The following ATP6V1E2 variants were observed in gnomAD, a reference collection of about 807,000 sequenced individuals.
ATP6V1E2 encodes the protein ATPase H+ transporting V1 subunit E2, also known as V-type proton ATPase subunit E 2.
For synonymous variants in ATP6V1E2, 121 were observed against 104.2 expected (o/e 1.16, Z -0.98); for missense variants, 308 against 273.3 (o/e 1.13, Z -0.90).
rs1178108326 is a variant in ATP6V1E2, at chr2:46,525,146, C to A, written c.-102+10667G>T. Among the ~76,000 whole-genome samples, 3 of 152,176 alleles carry A rather than the reference C, an allele frequency of 2.0e-5. No homozygotes were observed. In the East Asian group the frequency reaches 5.8e-4, roughly 29 times the overall value. ...GGACTCAGCCTCTGGCTACACAGAA[C>A]AGAGCAGCTCAGCTTGGGGTGAGGT... On this transcript the variant is annotated intron_variant, in intron 4 of 4. Transcript: ENST00000522587.
At chr2:46,537,492 T>G (rs1166504082) in intron 2 of ATP6V1E2, 1 of 152,014 alleles carries the variant, frequency 6.6e-6, no homozygotes, top group African/African-American at 2.4e-5. Flanking sequence ...ATATGGATGG[T>G]GATGCCTGGA....
intron 2 of ATP6V1E2, among the ~76,000 whole-genome samples, chr2:46,540,849 T>C (rs1667719145): frequency 6.6e-6 from 1 of 152,122 alleles, no homozygotes; most frequent in Non-Finnish European, 1.5e-5. Context: ...GCCAAAAGAA[T>C]GAGGTCACTG....
chr2:46,522,912 T>C (rs1185266096), intron 4 of ATP6V1E2, among the ~76,000 whole-genome samples: 1 of 152,234 alleles, frequency 6.6e-6, no homozygotes, highest in East Asian at 1.9e-4. Flanking sequence ...TATTGTTTCC[T>C]GACTTTTTAA....
chr2:46,537,359 G>A (rs1335475877), intron 2 of ATP6V1E2: 1 of 152,240 alleles, frequency 6.6e-6, no homozygotes, highest in East Asian at 1.9e-4. Flanking sequence ...ACAGTCACCT[G>A]ACAGTTTACT....
chr2:46,524,796 G>C (rs962083256), intron 4 of ATP6V1E2, among the ~76,000 whole-genome samples: 12 of 152,192 alleles, frequency 7.9e-5, no homozygotes, highest in Admixed American at 7.9e-4. Flanking sequence ...TGCGTGTGGA[G>C]AGCAGGTGGG....
chr2:46,525,175 G>C (rs905452402), intron 4 of ATP6V1E2, among the ~76,000 whole-genome samples: 1 of 152,196 alleles, frequency 6.6e-6, no homozygotes, highest in Non-Finnish European at 1.5e-5. Flanking sequence ...GTGAGGTTGT[G>C]AGAAAGCAGG....
chr2:46,514,570 G>A (rs1687627383), intron 4 of ATP6V1E2, among the ~76,000 whole-genome samples: 1 of 152,112 alleles, frequency 6.6e-6, no homozygotes, highest in Admixed American at 6.5e-5. Context: ...AGATCAGTGA[G>A]CTTGAAGATA....
chr2:46,512,436 T>G lies in ATP6V1E2; in HGVS notation c.276A>C (p.Ser92=). The part of the protein sequence containing the change: ...KVLRARNDLI[S]DLLSEAKLRL... The stretch of plus-strand genomic sequence containing the variant: ...TCAGCTTCGCCTCACTGAGCAAATC[T>G]GAGATGAGGTCATTTCGGGCTCTCA... Residue 92 remains serine (S), a synonymous_variant, in exon 5 of 5, where the codon TCA becomes TCC. Coordinates refer to ENST00000522587, the MANE Select transcript of ATP6V1E2 (RefSeq NM_001318063.2). 1 of 1,614,194 alleles carries G rather than the reference T, an allele frequency of 6.2e-7. No homozygotes were observed. The highest frequency in any genetic ancestry group is 8.5e-7 in the Non-Finnish European group (1 of 1,180,036).
intron 2 of ATP6V1E2, among the ~76,000 whole-genome samples, chr2:46,540,220 G>C (rs377438903): frequency 6.6e-6 from 1 of 152,018 alleles, no homozygotes; most frequent in Non-Finnish European, 1.5e-5. Flanking sequence ...TCAGGAGTTC[G>C]AGACTAGCCT....
At position 46,535,978 on chromosome 2, in the gene ATP6V1E2, G is replaced by A. The variant is rs1373793230; in HGVS notation, c.-216-51C>T. The stretch of plus-strand genomic sequence containing the variant: ...TTTCATTTTTGGAGGAGGGATCTGT[G>A]ATCTAGCCTCCTTTGGAGCCTATGA... On this transcript the variant is annotated intron_variant, in intron 3 of 4. Coordinates refer to ENST00000522587, the MANE Select transcript of ATP6V1E2 (RefSeq NM_001318063.2). The surrounding 1 kb of genome is among the most constrained non-coding windows in gnomAD (Gnocchi z 4.4). 1.3e-5 allele frequency: 2 copies of A among 152,156 alleles called. No homozygotes were observed. Among genetic ancestry groups the A allele is most frequent in the African/African-American group, 4.8e-5 (2 of 41,432 alleles). The allele number at this position is 152,156 out of a possible 1,614,324, so 9.4% of individuals were successfully genotyped here.
At chr2:46,524,272 T>C (rs946583111) in intron 4 of ATP6V1E2, among the ~76,000 whole-genome samples, 4 of 152,130 alleles carry the variant, frequency 2.6e-5, no homozygotes, top group African/African-American at 9.7e-5. Flanking sequence ...GTTTGAGACC[T>C]TCCATGGGTA....
intron 2 of ATP6V1E2, among the ~76,000 whole-genome samples, chr2:46,540,498 C>G (rs1457231487): frequency 1.3e-5 from 2 of 150,976 alleles, no homozygotes; most frequent in African/African-American, 4.9e-5. Context: ...AGACCTGTGT[C>G]TGTTTCAACA....
intron 2 of ATP6V1E2, chr2:46,537,683 T>G (rs1055265182): frequency 1.3e-5 from 2 of 152,180 alleles, no homozygotes; most frequent in Admixed American, 6.5e-5. Flanking sequence ...CTTCCCTCAT[T>G]GCTGAAGCTG....
intron 4 of ATP6V1E2, among the ~76,000 whole-genome samples, chr2:46,525,899 CAAA>C (rs71394899): frequency 1.6e-5 from 2 of 127,934 alleles, no homozygotes; most frequent in African/African-American, 2.9e-5. Flanking sequence ...GCAGTTTCTC[CAAA>C]AAAAAAAAAA....
rs17035245 is a variant in ATP6V1E2, at chr2:46,512,544, A to G, written c.168T>C (p.Tyr56=). The G allele has an allele frequency of 4.6e-3, 7,494 of 1,614,056 alleles. 259 individuals are homozygous for G. In the African/African-American group the frequency reaches 0.084, roughly 18 times the overall value. Reference sequence around the variant, plus strand: ...CTATCTGCTTCTCCTTTTTCTCATAATACTCCATAATCTTCAGTCGTTGGG... The same window carrying G: ...CTATCTGCTTCTCCTTTTTCTCATAGTACTCCATAATCTTCAGTCGTTGGG... ...VQTQRLKIME[Y]YEKKEKQIEQ... Residue 56 remains tyrosine (Y), a synonymous_variant, in exon 5 of 5, where the codon TAT becomes TAC. Coordinates refer to ENST00000522587, the MANE Select transcript of ATP6V1E2 (RefSeq NM_001318063.2).
Position 46,516,025 on chromosome 2 carries a change from T to C in ATP6V1E2, c.-101-3213A>G, listed in dbSNP as rs117024627. On this transcript the variant is annotated intron_variant, in intron 4 of 4. Transcript: ENST00000522587. Reference sequence around the variant, plus strand: ...CCCAACATCAGAGCACCCAAATATATGAAGCAAGCATTGACAGAACCAAAG... The same window carrying C: ...CCCAACATCAGAGCACCCAAATATACGAAGCAAGCATTGACAGAACCAAAG... 4.5e-3 allele frequency among the ~76,000 whole-genome samples: 686 copies of C among 152,168 alleles called. 16 individuals are homozygous for C. In the South Asian group the frequency reaches 0.059, roughly 13 times the overall value.
chr2:46,539,727 GTTCC>G (rs1287598728), intron 2 of ATP6V1E2, among the ~76,000 whole-genome samples: 1 of 152,220 alleles, frequency 6.6e-6, no homozygotes, highest in Non-Finnish European at 1.5e-5. Flanking sequence ...GTTGTGTGCT[GTTCC>G]TTCTTGCTTT....
chr2:46,522,327 C>T (rs992564926), intron 4 of ATP6V1E2, among the ~76,000 whole-genome samples: 1 of 150,850 alleles, frequency 6.6e-6, no homozygotes, highest in Non-Finnish European at 1.5e-5. Context: ...AGGTTTGTTA[C>T]ACAGGTATAC....
intron 4 of ATP6V1E2, among the ~76,000 whole-genome samples, chr2:46,528,427 G>T (rs1667031189): frequency 6.6e-6 from 1 of 152,244 alleles, no homozygotes; most frequent in South Asian, 2.1e-4. Context: ...TGGTGGTAGT[G>T]ATCTGAGAGT....
Sources: allele counts gnomAD v4.1 joint callset (sites outside exome capture counted in the v4.1 genomes callset), GRCh38; gene constraint gnomAD v4.1.1; non-coding constraint Gnocchi (gnomAD v3.1); transcripts MANE v1.5; gene names NCBI Gene and HGNC (gene_info 2026-07-23, HGNC 2026-07-21).